ENPP1: variants seen among roughly 807,000 people sequenced by gnomAD.
The protein encoded by ENPP1 is ectonucleotide pyrophosphatase/phosphodiesterase family member 1.
A neutral mutation model predicts 122.8 loss-of-function variants in ENPP1; 73 were observed. The observed-to-expected ratio is 0.59, with a 90% confidence interval of 0.49 to 0.72. The LOEUF is 0.72. ENPP1 is among the 30% of genes least tolerant of loss of function. The pLI, the probability that ENPP1 is intolerant of heterozygous loss-of-function variation, is 0.00. For synonymous variants in ENPP1, 367 were observed against 391.6 expected (o/e 0.94, Z 0.74); for missense variants, 978 against 1,128.1 (o/e 0.87, Z 1.91).
intron 13 of ENPP1, 139 bp from the exon 14 acceptor site, chr6:131,871,931 T>C (rs933397229): frequency 5.7e-6 from 4 of 696,014 alleles, no homozygotes; most frequent in Non-Finnish European, 1.0e-5. Context: ...GTGGCTACAA[T>C]GTAATGACTT....
intron 1 of ENPP1, among the ~76,000 whole-genome samples, chr6:131,814,712 TTA>T (rs1181465106): frequency 2.6e-5 from 4 of 152,216 alleles, no homozygotes; most frequent in Admixed American, 6.5e-5. Context: ...ATAAAATTTG[TTA>T]TCTGTCCAGC....
intron 1 of ENPP1, among the ~76,000 whole-genome samples, chr6:131,825,003 T>C (rs1196079373): frequency 6.6e-6 from 1 of 151,582 alleles, no homozygotes; most frequent in Non-Finnish European, 1.5e-5. Flanking sequence ...GAGGTTGCAG[T>C]GAGCTGAGAT....
At chr6:131,875,985 T>C (rs918297703) in intron 17 of ENPP1, 122 bp downstream of exon 17, 11 of 758,788 alleles carry the variant, frequency 1.4e-5, no homozygotes, top group Non-Finnish European at 2.6e-5. Context: ...GATTTTTACC[T>C]TCTTCCTGAC....
At chr6:131,841,657 T>C (rs571462935) in intron 1 of ENPP1, among the ~76,000 whole-genome samples, 3 of 152,354 alleles carry the variant, frequency 2.0e-5, no homozygotes, top group Middle Eastern at 6.8e-3. Context: ...ATGTTTACTT[T>C]GTGCAAGGCA....
rs1282271247 is a variant in ENPP1 at position 131,864,518 on chromosome 6, T to G, written c.1038T>G (p.Phe346Leu). 6.8e-6 allele frequency: 11 copies of G among 1,607,990 alleles called. No individual in the cohort carries two copies. Among genetic ancestry groups the G allele is most frequent in the African/African-American group, 1.3e-5 (1 of 74,792 alleles). ...IYKMYNGSVP[F>L]EERILAVLQW... ...TTCTTCATTTTAGTTCAGTACCATTTGAAGAAAGGATTTTAGCTGTTCTTC... is the reference window on the plus strand; with the variant it reads ...TTCTTCATTTTAGTTCAGTACCATTGGAAGAAAGGATTTTAGCTGTTCTTC... The change falls in exon 10 of 25, where the codon TTT (phenylalanine) becomes TTG (leucine). Residue 346 changes from phenylalanine (F) to leucine (L), a missense_variant. Transcript: ENST00000647893.
rs749866805 is a variant in ENPP1, at chr6:131,864,531, T to C, written c.1051T>C (p.Leu351=). The part of the protein sequence containing the change: ...NGSVPFEERI[L]AVLQWLQLPK... ...TTCAGTACCATTTGAAGAAAGGATTTTAGCTGTTCTTCAGTGGCTACAGCT... is the reference window on the plus strand; with the variant it reads ...TTCAGTACCATTTGAAGAAAGGATTCTAGCTGTTCTTCAGTGGCTACAGCT... The change falls in exon 10 of 25, where the codon TTA becomes CTA. Residue 351 remains leucine, a synonymous_variant. Coordinates refer to ENST00000647893, the MANE Select transcript of ENPP1 (RefSeq NM_006208.3). The C allele has an allele frequency of 5.0e-6, 8 of 1,610,336 alleles. No homozygotes were observed. The highest frequency in any genetic ancestry group is 1.1e-5 in the South Asian group (1 of 90,978).
intron 18 of ENPP1, 131 bp downstream of exon 18, chr6:131,877,292 TC>T (rs2114720296): frequency 4.7e-6 from 4 of 858,978 alleles, no homozygotes; most frequent in Middle Eastern, 2.2e-4. Flanking sequence ...ATGTTTTAAT[TC>T]TAGGGGGCGC....
intron 1 of ENPP1, among the ~76,000 whole-genome samples, chr6:131,845,043 G>GTTTTTTTTTTT (rs142380855): frequency 3.5e-5 from 3 of 84,986 alleles, no homozygotes; most frequent in African/African-American, 1.0e-4. Context: ...ATTCTTCATG[G>GTTTTTTTTTTT]TTTTTTTTTT....
At chr6:131,880,575 A>G (rs1202141441) in intron 20 of ENPP1, among the ~76,000 whole-genome samples, 19 of 151,590 alleles carry the variant, frequency 1.3e-4, no homozygotes, top group Non-Finnish European at 2.5e-4. Context: ...TCAAAAAAAA[A>G]AAAGAAAGAA....
chr6:131,845,451 G>GTTTT (rs34638422), intron 1 of ENPP1, among the ~76,000 whole-genome samples: 8 of 133,094 alleles, frequency 6.0e-5, no homozygotes, highest in Admixed American at 3.0e-4. Flanking sequence ...GTTTTGGCTT[G>GTTTT]TTTTTTTTTT....
intron 6 of ENPP1, among the ~76,000 whole-genome samples, chr6:131,855,618 G>A (rs1781935803): frequency 6.6e-6 from 1 of 152,092 alleles, no homozygotes; most frequent in East Asian, 1.9e-4. Flanking sequence ...GAGCCACCAT[G>A]CCTGGCCTTA....
chr6:131,827,095 T>A, intron 1 of ENPP1: 1 of 668,220 alleles, frequency 1.5e-6, no homozygotes, highest in South Asian at 1.4e-5. Context: ...AGCACCTCCA[T>A]TTCGGTGAAC....
Position 131,852,216 on chromosome 6 carries a change from G to T in ENPP1, c.598G>T (p.Glu200Ter). 1.2e-6 allele frequency: 2 copies of T among 1,605,460 alleles called. No homozygotes were observed. The change falls in exon 5 of 25, where the codon GAG (glutamate) becomes TAG (stop). Residue 200 changes from glutamate to a stop codon, truncating the protein, a stop_gained. Transcript: ENST00000647893. LOFTEE classifies it high-confidence loss of function. ...AGAAGAACCATGTGAGAGCATTAAT[G>T]AGCCACAGTGCCCAGCAGGGTAAGA... ...WVEEPCESIN[E>*]PQCPAGFETP...
chr6:131,820,144 A>G (rs1018339099), intron 1 of ENPP1: 5 of 329,668 alleles, frequency 1.5e-5, no homozygotes, highest in African/African-American at 1.1e-4. Flanking sequence ...AGAGATTACT[A>G]CTTTTAGAAT....
chr6:131,844,469 G>A (rs1781780607), intron 1 of ENPP1, among the ~76,000 whole-genome samples: 1 of 151,160 alleles, frequency 6.6e-6, no homozygotes, highest in African/African-American at 2.5e-5. Flanking sequence ...CTTTTAGTCA[G>A]TTCATGCACA....
At chr6:131,823,370 A>G (rs1175993532) in intron 1 of ENPP1, among the ~76,000 whole-genome samples, 3 of 152,114 alleles carry the variant, frequency 2.0e-5, no homozygotes, top group Non-Finnish European at 2.9e-5. Context: ...TATTATGTGC[A>G]TACTTTGTAT....
In ENPP1 at chr6:131,869,629, G is replaced by C. The variant is rs917224006; in HGVS notation, c.1405+140G>C. The stretch of plus-strand genomic sequence containing the variant: ...GGATCACCTGAGGTCAGGAGTTCGA[G>C]ACCAGCCTGGCCAACATGGTGAAAC... On this transcript the variant is annotated intron_variant, in intron 13 of 24. Coordinates refer to ENST00000647893, the MANE Select transcript of ENPP1 (RefSeq NM_006208.3). 1.4e-5 allele frequency: 10 copies of C among 740,616 alleles called. No individual in the cohort carries two copies. The Admixed American group carries it at 1.6e-4, about 12-fold the overall frequency. The allele number at this position is 740,616 out of a possible 1,614,324, so 45.9% of individuals were successfully genotyped here.
Position 131,886,679 on chromosome 6 carries a change from A to G in ENPP1, c.2562A>G (p.Leu854=). The change falls in exon 24 of 25, where the codon TTA becomes TTG. Residue 854 remains leucine (L), a synonymous_variant. Coordinates refer to ENST00000647893, the MANE Select transcript of ENPP1 (RefSeq NM_006208.3). ...TGCACTGTGAAAACCTAGACACCTT[A>G]GCTTTCATTTTGCCTCACAGGACTG... ...TPLHCENLDT[L]AFILPHRTDN... The G allele has an allele frequency of 6.2e-7, 1 of 1,614,074 alleles. No individual in the cohort carries two copies. The highest frequency in any genetic ancestry group is 8.5e-7 in the Non-Finnish European group (1 of 1,179,972).
At chr6:131,821,078 A>T (rs1223549439) in intron 1 of ENPP1, among the ~76,000 whole-genome samples, 1 of 152,232 alleles carries the variant, frequency 6.6e-6, no homozygotes, top group African/African-American at 2.4e-5. Context: ...TTACATCCTT[A>T]ACTACCCAAA....
Sources: gnomAD v4.1 joint callset for allele counts (sites outside exome capture counted in the v4.1 genomes callset) on GRCh38, gnomAD v4.1.1 for gene constraint, MANE v1.5 for transcripts, NCBI Gene and HGNC (gene_info 2026-07-23, HGNC 2026-07-21) for gene names.